The following CAST variants were observed in gnomAD, a reference collection of about 807,000 sequenced individuals.
CAST encodes the protein calpastatin, also known as MIR583 host.
Under a neutral mutation model 119.6 loss-of-function variants are expected in CAST, and 76 were observed. The ratio of observed to expected loss-of-function variants is 0.64; its 90% CI spans 0.53 to 0.77. The LOEUF is 0.77. Among genes scored for constraint, CAST ranks in the 30% least tolerant of loss-of-function variants. The pLI is 0.00. For missense variants in CAST, 953 were observed against 946.5 expected, an observed-to-expected ratio of 1.01 and a Z score of -0.09; for synonymous variants, 319 against 331.6, an observed-to-expected ratio of 0.96 and a Z score of 0.41.
At chr5:96,669,581 T>C (rs1332409749) in intron 1 of CAST, among the ~76,000 whole-genome samples, 1 of 152,228 alleles carries the variant, frequency 6.6e-6, no homozygotes. Context: ...TTTGATTTAC[T>C]GAGAAAATAG....
chr5:96,668,431 T>C (rs1749623645), intron 1 of CAST, among the ~76,000 whole-genome samples: 1 of 152,240 alleles, frequency 6.6e-6, no homozygotes, highest in African/African-American at 2.4e-5. Context: ...TCTGTTCTAA[T>C]GTTTACAGCC....
chr5:96,683,539 GC>G (rs2150271402), intron 2 of CAST, among the ~76,000 whole-genome samples: 1 of 152,252 alleles, frequency 6.6e-6, no homozygotes, highest in East Asian at 1.9e-4. Context: ...GTATCATTCA[GC>G]CCCTCATGAG....
At chr5:96,570,400 G>A (rs946780949) in intron 1 of CAST, among the ~76,000 whole-genome samples, 1 of 152,174 alleles carries the variant, frequency 6.6e-6, no homozygotes, top group African/African-American at 2.4e-5. Context: ...AATGGAAAGA[G>A]TGGCTGAAAT....
the CAST span, among the ~76,000 whole-genome samples, chr5:96,171,210 G>A: frequency 7.2e-3 from 1,104 of 152,318 alleles, 19 homozygotes; most frequent in African/African-American, 0.026. Flanking sequence ...TGGAGAAATC[G>A]AAAGTGCCAT....
At chr5:96,454,421 G>A in the CAST span, among the ~76,000 whole-genome samples, 1 of 152,196 alleles carries the variant, frequency 6.6e-6, no homozygotes, top group African/African-American at 2.4e-5. Flanking sequence ...CAAAAGAGGT[G>A]CTGGTATTGA....
the CAST span, among the ~76,000 whole-genome samples, chr5:96,128,521 T>G: frequency 6.6e-6 from 1 of 152,056 alleles, no homozygotes; most frequent in African/African-American, 2.4e-5. Flanking sequence ...AAATTAGATT[T>G]TCCCCTCAAT....
Position 96,742,638 on chromosome 5 carries a change from T to G in CAST, c.1099-17T>G, listed in dbSNP as rs755954334. On this transcript the variant is annotated splice_polypyrimidine_tract_variant and intron_variant, in intron 15 of 31. Coordinates refer to ENST00000675179, the MANE Select transcript of CAST (RefSeq NM_001750.7). ...GAGATGTCTTTTTTCATGCACAGGA[T>G]TTTTTACTTTTAACAGGATACAATG... 9.6e-6 allele frequency: 15 copies of G among 1,555,654 alleles called. No individual in the cohort carries two copies. Among genetic ancestry groups the G allele is most frequent in the Admixed American group, 8.3e-5 (5 of 59,886 alleles).
intron 1 of CAST, among the ~76,000 whole-genome samples, chr5:96,568,504 G>T (rs1746512658): frequency 7.4e-6 from 1 of 135,180 alleles, no homozygotes; most frequent in African/African-American, 2.8e-5. Context: ...GGCAGAGTTT[G>T]CAGTGAGCCA....
At chr5:96,046,200 G>A in the CAST span, among the ~76,000 whole-genome samples, 65 of 152,180 alleles carry the variant, frequency 4.3e-4, no homozygotes, top group Middle Eastern at 3.4e-3. Flanking sequence ...CATGGACAGC[G>A]TTGCAGGCCG....
the CAST span, among the ~76,000 whole-genome samples, chr5:96,337,130 G>A: frequency 7.9e-5 from 12 of 152,028 alleles, no homozygotes; most frequent in African/African-American, 1.2e-4. Flanking sequence ...CCCTGAAAGC[G>A]AAACTGAGCT....
At chr5:96,300,296 C>G in the CAST span, among the ~76,000 whole-genome samples, 4 of 151,950 alleles carry the variant, frequency 2.6e-5, no homozygotes, top group African/African-American at 9.7e-5. Context: ...GATCAGGGTC[C>G]AATTTTATTC....
rs960057391 is a variant in CAST at position 96,737,855 on chromosome 5, A to G, written c.706A>G (p.Met236Val). Residue 236 changes from methionine to valine, a missense_variant, in exon 11 of 32, where the codon ATG (methionine) becomes GTG (valine). Physicochemically the swap from Met to Val is conservative, Grantham distance 21. Transcript: ENST00000675179. ...KPDKPSGKSGMDAALDDLIDT... is the reference protein window; with the variant it reads ...KPDKPSGKSGVDAALDDLIDT... ...TCTGTTCTTTCTTTTCCAGTCAGGC[A>G]TGGATGCTGCTTTGGATGACTTAAT... is the stretch of plus-strand genomic sequence containing the variant. 8 of 1,568,904 alleles carry G rather than the reference A, an allele frequency of 5.1e-6. No homozygotes were observed. Among genetic ancestry groups the G allele is most frequent in the Non-Finnish European group, 7.0e-6 (8 of 1,139,968 alleles).
chr5:96,548,246 C>T (rs1746053818), intron 1 of CAST, among the ~76,000 whole-genome samples: 2 of 152,024 alleles, frequency 1.3e-5, no homozygotes, highest in African/African-American at 2.4e-5. Flanking sequence ...AGACTCAGAC[C>T]CCTTTTTAAT....
chr5:96,490,354 C>G, the CAST span, among the ~76,000 whole-genome samples: 20 of 149,502 alleles, frequency 1.3e-4, no homozygotes, highest in Non-Finnish European at 2.2e-4. Context: ...ATGTGTGTGT[C>G]TGTGTGTGTG....
At chr5:96,150,374 G>C in the CAST span, among the ~76,000 whole-genome samples, 1 of 152,180 alleles carries the variant, frequency 6.6e-6, no homozygotes, top group Admixed American at 6.5e-5. Flanking sequence ...TGGTAGAGGG[G>C]ATTTCTTGAG....
the CAST span, among the ~76,000 whole-genome samples, chr5:96,188,825 G>A: frequency 6.6e-6 from 1 of 152,248 alleles, no homozygotes; most frequent in Non-Finnish European, 1.5e-5. Context: ...TGGTTTTAAT[G>A]TTATAACACT....
the CAST span, among the ~76,000 whole-genome samples, chr5:96,500,814 T>C: frequency 1.3e-5 from 2 of 152,166 alleles, no homozygotes; most frequent in Admixed American, 1.3e-4. Context: ...AACTATGAAG[T>C]GCTAAGAACT....
chr5:96,591,781 G>A (rs1345850808), intron 1 of CAST, among the ~76,000 whole-genome samples: 1 of 152,112 alleles, frequency 6.6e-6, no homozygotes, highest in Non-Finnish European at 1.5e-5. Context: ...CATTGGTGGA[G>A]GACATTTAGC....
At chr5:96,339,338 G>A in the CAST span, among the ~76,000 whole-genome samples, 23 of 152,230 alleles carry the variant, frequency 1.5e-4, no homozygotes, top group Non-Finnish European at 2.1e-4. Flanking sequence ...AAAGCAAAAC[G>A]TTTCTCACTG....
Sources: allele counts gnomAD v4.1 joint callset (sites outside exome capture counted in the v4.1 genomes callset), GRCh38; gene constraint gnomAD v4.1.1; transcripts MANE v1.5; gene names NCBI Gene and HGNC (gene_info 2026-07-23, HGNC 2026-07-21).